CHD1L: variants seen among roughly 807,000 people sequenced by gnomAD.
The protein encoded by CHD1L is chromodomain helicase DNA binding protein 1 like.
CHD1L carries 118 observed loss-of-function variants against 115.9 expected under a neutral mutation model. That is an observed-to-expected ratio of 1.02 (90% CI 0.88 to 1.19). The LOEUF (loss-of-function observed/expected upper bound fraction) is 1.19, where lower values mean the gene tolerates loss of function less well. Among genes scored for constraint, CHD1L ranks in the 50% most tolerant of loss-of-function variants. CHD1L has a pLI of 0.00. For missense variants in CHD1L, 1,179 were observed against 1,065.3 expected (o/e 1.11, Z -1.49); for synonymous variants, 411 against 387.1 (o/e 1.06, Z -0.72).
chr1:147,201,461 G>A, the CHD1L span: 295 of 1,613,930 alleles, frequency 1.8e-4, no homozygotes, highest in Non-Finnish European at 2.3e-4. Context: ...GAAATGATAC[G>A]ATTTGGCAGG....
chr1:147,266,229 A>G (rs1553948289), intron 8 of CHD1L, 142 bp downstream of exon 8: 2 of 773,954 alleles, frequency 2.6e-6, no homozygotes, highest in African/African-American at 1.8e-5. Flanking sequence ...GGTCGGCTAC[A>G]GTGGGACTGT....
At chr1:147,255,013 C>A in intron 3 of CHD1L, 37 bp downstream of exon 3, 2 of 1,435,020 alleles carry the variant, frequency 1.4e-6, no homozygotes, top group South Asian at 1.4e-5. Context: ...TATTGTTTAT[C>A]TTGATTAAGA....
At chr1:147,233,649 G>A in the CHD1L span, among the ~76,000 whole-genome samples, 2 of 152,340 alleles carry the variant, frequency 1.3e-5, no homozygotes, top group South Asian at 2.1e-4. Flanking sequence ...TTGTGGAATA[G>A]AAAGGGGGGA....
At chr1:147,235,313 C>T in the CHD1L span, among the ~76,000 whole-genome samples, 1 of 152,092 alleles carries the variant, frequency 6.6e-6, no homozygotes, top group African/African-American at 2.4e-5. Flanking sequence ...AGGCTCATTC[C>T]CAAGTGAAGA....
rs1553946571 is a variant in CHD1L, at chr1:147,264,489, C to T, written c.644C>T (p.Ser215Phe). ...CAGAACAGCCTCCAAGAGCTCTACT[C>T]CCTCCTCAGTTTTGTGGAGCCTGAT... ...PIQNSLQELY[S>F]LLSFVEPDLF... The change falls in exon 7 of 23, where the codon TCC becomes TTC. Residue 215 changes from serine (S) to phenylalanine (F), a missense_variant. By Grantham distance (155) the Ser-to-Phe change is radical. Coordinates refer to ENST00000369258, the MANE Select transcript of CHD1L (RefSeq NM_004284.6). 11 of 1,613,990 alleles carry T rather than the reference C, an allele frequency of 6.8e-6. No individual in the cohort carries two copies. The highest frequency in any genetic ancestry group is 9.3e-6 in the Non-Finnish European group (11 of 1,179,912).
the CHD1L span, among the ~76,000 whole-genome samples, chr1:147,197,352 A>C: frequency 2.0e-5 from 3 of 152,112 alleles, no homozygotes; most frequent in African/African-American, 7.2e-5. Flanking sequence ...GCACTTGTTT[A>C]GGATATAGTT....
At chr1:147,227,944 C>A in the CHD1L span, among the ~76,000 whole-genome samples, 1 of 151,678 alleles carries the variant, frequency 6.6e-6, no homozygotes, top group African/African-American at 2.4e-5. Context: ...TGGAGCCTCA[C>A]TCTGTCGCCC....
chr1:147,271,073 A>G, intron 11 of CHD1L, 68 bp downstream of exon 11: 1 of 1,251,570 alleles, frequency 8.0e-7, no homozygotes, highest in Non-Finnish European at 1.2e-6. Context: ...AGGTCCATGA[A>G]GAATAATATG....
At position 147,286,491 on chromosome 1, in the gene CHD1L, C is replaced by A. The variant is rs148675923; in HGVS notation, c.2212C>A (p.His738Asn). The A allele has an allele frequency of 6.2e-7, 1 of 1,613,464 alleles. No homozygotes were observed. The highest frequency in any genetic ancestry group is 2.2e-5 in the East Asian group (1 of 44,896). The change falls in exon 18 of 23, where the codon CAC becomes AAC. Residue 738 changes from histidine (H) to asparagine (N), a missense_variant. Transcript: ENST00000369258. Reference sequence around the variant, plus strand: ...TGGGGCCGAGGATGCTCTCATTGTGCACTGCGTAGGTACGAGAAGTGGTAT... The same window carrying A: ...TGGGGCCGAGGATGCTCTCATTGTGAACTGCGTAGGTACGAGAAGTGGTAT... ...QAGAEDALIV[H>N]CVDDSGHWGR...
At chr1:147,261,134 G>A (rs929979217) in intron 6 of CHD1L, among the ~76,000 whole-genome samples, 1 of 152,190 alleles carries the variant, frequency 6.6e-6, no homozygotes, top group African/African-American at 2.4e-5. Context: ...CTGTCCCCTG[G>A]TGGGGCCCCC....
At chr1:147,285,261 G>C in intron 16 of CHD1L, 63 bp from the exon 17 acceptor site, 3 of 1,540,168 alleles carry the variant, frequency 1.9e-6, no homozygotes, top group Non-Finnish European at 1.8e-6. Flanking sequence ...GTGTGTGTTA[G>C]GGATAATGAA....
At chr1:147,228,133 A>T in the CHD1L span, among the ~76,000 whole-genome samples, 1,980 of 151,966 alleles carry the variant, frequency 0.013, 20 homozygotes, top group South Asian at 0.031. Flanking sequence ...AATATTAGGT[A>T]TATCTCCTAA....
chr1:147,194,162 A>C, the CHD1L span, among the ~76,000 whole-genome samples: 1 of 152,100 alleles, frequency 6.6e-6, no homozygotes, highest in Non-Finnish European at 1.5e-5. Flanking sequence ...GTAGGTCACT[A>C]AGGACTTGCT....
intron 20 of CHD1L, among the ~76,000 whole-genome samples, chr1:147,291,988 G>A (rs1050209988): frequency 3.3e-5 from 5 of 151,896 alleles, no homozygotes; most frequent in Admixed American, 6.6e-5. Flanking sequence ...TTCAATATAT[G>A]AATTTGGGGG....
At chr1:147,195,529 A>T in the CHD1L span, among the ~76,000 whole-genome samples, 1 of 152,182 alleles carries the variant, frequency 6.6e-6, no homozygotes, top group African/African-American at 2.4e-5. Flanking sequence ...GGTTAAGGCC[A>T]AGGGGAACTC....
chr1:147,279,999 T>A (rs782688527), intron 14 of CHD1L, 27 bp from the exon 15 acceptor site: 2 of 1,612,898 alleles, frequency 1.2e-6, no homozygotes, highest in Non-Finnish European at 1.7e-6. Context: ...GAGAATTTGC[T>A]GGACTTTTTT....
At chr1:147,284,276 G>A in intron 15 of CHD1L, 75 bp from the exon 16 acceptor site, 1 of 1,224,724 alleles carries the variant, frequency 8.2e-7, no homozygotes, top group East Asian at 2.5e-5. Context: ...GTCCACTTTT[G>A]TTATTGATTT....
chr1:147,242,629 G>C, upstream of CHD1L: 2 of 1,232,828 alleles, frequency 1.6e-6, no homozygotes, highest in Non-Finnish European at 1.0e-6. Context: ...GCGCGCAGTC[G>C]CGCGCCCCCG....
At chr1:147,289,396 A>G (rs1161095495) in intron 19 of CHD1L, among the ~76,000 whole-genome samples, 1 of 152,214 alleles carries the variant, frequency 6.6e-6, no homozygotes, top group Non-Finnish European at 1.5e-5. Context: ...AAAGTATGTC[A>G]AGAAGGCAAA....
Sources: gnomAD v4.1 joint callset for allele counts (sites outside exome capture counted in the v4.1 genomes callset) on GRCh38, gnomAD v4.1.1 for gene constraint, MANE v1.5 for transcripts, NCBI Gene and HGNC (gene_info 2026-07-23, HGNC 2026-07-21) for gene names.